NPY2R: variants seen among roughly 807,000 people sequenced by gnomAD.
NPY2R encodes the protein neuropeptide Y receptor type 2.
In NPY2R, 17 loss-of-function variants were observed where a neutral mutation model predicts 22.3. The ratio of observed to expected loss-of-function variants is 0.76; its 90% CI spans 0.52 to 1.14. The LOEUF is 1.14. Among genes scored for constraint, NPY2R ranks in the 50% most tolerant of loss-of-function variants. The pLI, the probability that NPY2R is intolerant of heterozygous loss-of-function variation, is 0.00. For synonymous variants in NPY2R, 209 were observed against 183.4 expected (o/e 1.14, Z -1.13); for missense variants, 424 against 467.9 (o/e 0.91, Z 0.87).
the NPY2R span, among the ~76,000 whole-genome samples, chr4:155,189,096 A>G: frequency 9.7e-4 from 147 of 152,168 alleles, no homozygotes; most frequent in African/African-American, 3.4e-3. Context: ...CACTGTTCTA[A>G]GTCACATCCC....
the NPY2R span, among the ~76,000 whole-genome samples, chr4:155,183,880 C>A: frequency 2.0e-5 from 3 of 152,150 alleles, no homozygotes; most frequent in Non-Finnish European, 4.4e-5. Context: ...AGGCCCTAAC[C>A]AAACCCCAAA....
rs115175426 is a variant in NPY2R at position 155,211,971 on chromosome 4, G to A, written c.-48-1921G>A. Among the ~76,000 whole-genome samples the A allele has an allele frequency of 3.9e-3, 601 of 152,228 alleles. 4 individuals are homozygous for A. The highest frequency in any genetic ancestry group is 0.013 in the African/African-American group (548 of 41,542). The stretch of plus-strand genomic sequence containing the variant: ...CTGCTGCCTGCCAGTGCCTCCCACC[G>A]ACCAAACCCAGCCAGAATCCCAAGG... On this transcript the variant is annotated intron_variant, in intron 1 of 1. Transcript: ENST00000329476.
chr4:155,204,863 TG>T (rs1729250417), upstream of NPY2R, among the ~76,000 whole-genome samples: 1 of 110,124 alleles, frequency 9.1e-6, no homozygotes, highest in Non-Finnish European at 1.7e-5. Flanking sequence ...TTCTGTATAC[TG>T]GGGCGGGGGG....
At chr4:155,200,241 T>TG in the NPY2R span, among the ~76,000 whole-genome samples, 1 of 151,830 alleles carries the variant, frequency 6.6e-6, no homozygotes, top group Non-Finnish European at 1.5e-5. Flanking sequence ...AACAAACATA[T>TG]GGGGAAAAAA....
chr4:155,197,314 C>T, the NPY2R span, among the ~76,000 whole-genome samples: 1 of 151,908 alleles, frequency 6.6e-6, no homozygotes, highest in African/African-American at 2.4e-5. Flanking sequence ...TTGTAGGTAT[C>T]ATATTTCTGA....
At chr4:155,189,288 T>A in the NPY2R span, among the ~76,000 whole-genome samples, 13,538 of 151,982 alleles carry the variant, frequency 0.089, 877 homozygotes, top group South Asian at 0.28. Flanking sequence ...CTCAGTATAA[T>A]CTTTTACCAT....
At position 155,216,413 on chromosome 4, in the gene NPY2R, A is replaced by G. The variant is rs1460040230; in HGVS notation, c.*1328A>G. 1 of 166,872 alleles carries G rather than the reference A, an allele frequency of 6.0e-6. No individual in the cohort carries two copies. Among genetic ancestry groups the G allele is most frequent in the Non-Finnish European group, 1.5e-5 (1 of 68,058 alleles). The allele number at this position is 166,872 out of a possible 1,614,324, so 10.3% of individuals were successfully genotyped here. A position where few individuals can be genotyped will look rare whatever the true frequency, so the allele number is the denominator to read the frequency against. On this transcript the variant is annotated 3_prime_UTR_variant, in exon 2 of 2. Coordinates refer to ENST00000329476, the MANE Select transcript of NPY2R (RefSeq NM_000910.4). ...TAAAAACCTTCTATGTTCATAAAAA[A>G]TAACAACTGAGATGTTAAAATAGTC...
upstream of NPY2R, among the ~76,000 whole-genome samples, chr4:155,206,216 GA>G (rs1184946376): frequency 6.6e-6 from 1 of 152,176 alleles, no homozygotes; most frequent in African/African-American, 2.4e-5. Flanking sequence ...ATTCTGGTTA[GA>G]AATGGAATTT....
At chr4:155,195,516 T>A in the NPY2R span, among the ~76,000 whole-genome samples, 1 of 151,936 alleles carries the variant, frequency 6.6e-6, no homozygotes, top group Admixed American at 6.6e-5. Flanking sequence ...CCTAGTTTTT[T>A]AATAATCTAT....
At chr4:155,208,356 T>C (rs545928127), upstream of NPY2R, 2 of 152,372 alleles carry the variant, frequency 1.3e-5, no homozygotes, top group East Asian at 3.9e-4. This position sits in a 1 kb window ranked among gnomAD's most constrained non-coding sequence, Gnocchi z 5.6. Context: ...GCCCCGCCTT[T>C]GCCCTCGCCT....
chr4:155,184,810 C>A, the NPY2R span, among the ~76,000 whole-genome samples: 7 of 151,822 alleles, frequency 4.6e-5, no homozygotes, highest in Admixed American at 6.6e-5. Context: ...TATTATTAAA[C>A]CTATGCAAGT....
At chr4:155,213,535 A>G (rs1729446794) in intron 1 of NPY2R, among the ~76,000 whole-genome samples, 2 of 152,226 alleles carry the variant, frequency 1.3e-5, no homozygotes, top group African/African-American at 4.8e-5. Context: ...CAATGAATTC[A>G]TAGTGGTTAT....
chr4:155,205,376 G>A (rs540970622), upstream of NPY2R, among the ~76,000 whole-genome samples: 4 of 152,176 alleles, frequency 2.6e-5, no homozygotes, highest in South Asian at 2.1e-4. Context: ...TATTTATACC[G>A]TGGGGGAAGC....
the NPY2R span, among the ~76,000 whole-genome samples, chr4:155,177,556 T>C: frequency 6.6e-6 from 1 of 152,154 alleles, no homozygotes; most frequent in Non-Finnish European, 1.5e-5. Context: ...CCCAGGCTGG[T>C]GCTGCATGCT....
the NPY2R span, among the ~76,000 whole-genome samples, chr4:155,190,480 G>C: frequency 9.2e-4 from 140 of 152,040 alleles, no homozygotes; most frequent in African/African-American, 3.1e-3. Flanking sequence ...GCTTTCCCAA[G>C]CCTCAACTTC....
At chr4:155,174,484 A>ATATATATATATATATATATATTT in the NPY2R span, among the ~76,000 whole-genome samples, 180 of 105,962 alleles carry the variant, frequency 1.7e-3, no homozygotes, top group Admixed American at 4.5e-3. Context: ...ATATATATAT[A>ATATATATATATATATATATATTT]TTTTTTTTTT....
In NPY2R at chr4:155,214,702, G is replaced by T. The variant is rs1172272903; in HGVS notation, c.763G>T (p.Ala255Ser). The change falls in exon 2 of 2, where the codon GCA becomes TCA. Residue 255 changes from alanine (A) to serine (S), a missense_variant. Ala to Ser is a moderately conservative substitution (Grantham distance 99, BLOSUM62 1). Transcript: ENST00000329476. ...KLKNHVSPGA[A>S]NDHYHQRRQK... ...GAAGAACCATGTCAGTCCTGGAGCT[G>T]CAAATGACCACTACCATCAGCGAAG... The T allele has an allele frequency of 6.2e-7, 1 of 1,614,214 alleles. No individual in the cohort carries two copies. The highest frequency in any genetic ancestry group is 1.7e-5 in the Admixed American group (1 of 60,026).
chr4:155,206,425 G>T (rs1729285628), upstream of NPY2R: 1 of 152,160 alleles, frequency 6.6e-6, no homozygotes. Flanking sequence ...CACATTTAAG[G>T]ATATGAATTA....
the NPY2R span, among the ~76,000 whole-genome samples, chr4:155,200,943 C>A: frequency 6.6e-6 from 1 of 152,022 alleles, no homozygotes; most frequent in Non-Finnish European, 1.5e-5. Flanking sequence ...ATAGGTGCAG[C>A]GAATCACCAT....
Sources: allele counts gnomAD v4.1 joint callset (sites outside exome capture counted in the v4.1 genomes callset), GRCh38; gene constraint gnomAD v4.1.1; non-coding constraint Gnocchi (gnomAD v3.1); transcripts MANE v1.5; gene names NCBI Gene and HGNC (gene_info 2026-07-23, HGNC 2026-07-21).